KRAS: variants seen among roughly 807,000 people sequenced by gnomAD.
KRAS encodes the protein KRas proto-oncogene, GTPase.
Under a neutral mutation model 21.0 loss-of-function variants are expected in KRAS, and 1 was observed. The observed-to-expected ratio is 0.05, with a 90% CI of 0.02 to 0.23. The LOEUF (loss-of-function observed/expected upper bound fraction) is 0.23. KRAS is among the 10% of genes least tolerant of loss of function. The pLI is 1.00. For missense variants in KRAS, 107 were observed against 221.8 expected, an observed-to-expected ratio of 0.48 and a Z score of 3.29; for synonymous variants, 67 against 72.5, an observed-to-expected ratio of 0.92 and a Z score of 0.39.
intron 1 of KRAS, among the ~76,000 whole-genome samples, chr12:25,247,571 C>T (rs1951700398): frequency 6.6e-6 from 1 of 152,186 alleles, no homozygotes; most frequent in African/African-American, 2.4e-5. Context: ...TAGCTCTCTG[C>T]CTACCCCAAC....
At chr12:25,218,033 C>T (rs975375092) in intron 4 of KRAS, among the ~76,000 whole-genome samples, 1 of 151,982 alleles carries the variant, frequency 6.6e-6, no homozygotes, top group Non-Finnish European at 1.5e-5. Context: ...TAATTTAAGG[C>T]ACTAAAATAA....
At chr12:25,215,121 T>G in intron 4 of KRAS, 4 of 252,932 alleles carry the variant, frequency 1.6e-5, no homozygotes, top group Non-Finnish European at 2.4e-5. Context: ...AAAAAGCTGC[T>G]GATTATCTCA....
At chr12:25,237,331 TG>T (rs1394725333) in intron 2 of KRAS, among the ~76,000 whole-genome samples, 1 of 152,176 alleles carries the variant, frequency 6.6e-6, no homozygotes, top group East Asian at 1.9e-4. Flanking sequence ...ACAACCCTTG[TG>T]AATATACTAA....
chr12:25,216,710 T>C (rs975026247), intron 4 of KRAS, among the ~76,000 whole-genome samples: 4 of 152,214 alleles, frequency 2.6e-5, no homozygotes, highest in African/African-American at 9.6e-5. Flanking sequence ...GGTACAATCA[T>C]ATATTGGCCA....
chr12:25,215,521 G>A lies in KRAS; in HGVS notation c.451-5610C>T, dbSNP rs200186819. 12 of 1,611,396 alleles carry A rather than the reference G, an allele frequency of 7.4e-6. No individual in the cohort carries two copies. Among genetic ancestry groups the A allele is most frequent in the South Asian group, 3.3e-5 (3 of 90,998 alleles). On this transcript the variant is annotated intron_variant, in intron 4 of 4. Coordinates refer to ENST00000311936, the MANE Select transcript of KRAS (RefSeq NM_004985.5). Reference sequence around the variant, plus strand: ...CTGATTTTTTTCAATCTGTATTGTCGGATCTCTCTCACCAATGTATAAAAA... The same window carrying A: ...CTGATTTTTTTCAATCTGTATTGTCAGATCTCTCTCACCAATGTATAAAAA...
chr12:25,215,996 A>G (rs1307691241), intron 4 of KRAS, among the ~76,000 whole-genome samples: 1 of 152,212 alleles, frequency 6.6e-6, no homozygotes, highest in Non-Finnish European at 1.5e-5. Flanking sequence ...ATGAGAAGAA[A>G]AATGGTAAAA....
intron 4 of KRAS, among the ~76,000 whole-genome samples, chr12:25,222,008 G>A (rs917595107): frequency 6.6e-6 from 1 of 151,846 alleles, no homozygotes; most frequent in Admixed American, 6.6e-5. Context: ...ATTTAGCAAG[G>A]CATGGTGGCG....
At chr12:25,217,625 T>A (rs988431889) in intron 4 of KRAS, among the ~76,000 whole-genome samples, 1 of 152,218 alleles carries the variant, frequency 6.6e-6, no homozygotes, top group South Asian at 2.1e-4. Flanking sequence ...AGATACCCAC[T>A]TACACCTGTA....
intron 2 of KRAS, among the ~76,000 whole-genome samples, chr12:25,229,115 C>T (rs924249865): frequency 3.9e-5 from 6 of 151,996 alleles, no homozygotes; most frequent in African/African-American, 1.4e-4. Context: ...TTATGTTATG[C>T]ATATTTTACC....
intron 4 of KRAS, 96 bp from the exon 5 acceptor site, chr12:25,210,007 A>ATCCT: frequency 1.1e-6 from 1 of 885,416 alleles, no homozygotes; most frequent in Non-Finnish European, 1.7e-6. Flanking sequence ...TTAAGAAAGG[A>ATCCT]TTCTTTATGT....
chr12:25,212,042 T>C (rs1951204957), intron 4 of KRAS, among the ~76,000 whole-genome samples: 1 of 152,182 alleles, frequency 6.6e-6, no homozygotes. Context: ...CTTTAACACA[T>C]ATAGAGGGGA....
intron 2 of KRAS, among the ~76,000 whole-genome samples, chr12:25,229,424 T>C (rs142953725): frequency 6.6e-6 from 1 of 152,344 alleles, no homozygotes; most frequent in East Asian, 1.9e-4. Context: ...GATGGATATC[T>C]CTAAAGAGCA....
intron 2 of KRAS, among the ~76,000 whole-genome samples, chr12:25,241,631 A>C (rs1219071673): frequency 2.6e-5 from 4 of 152,230 alleles, no homozygotes. Flanking sequence ...TTTGGATCTT[A>C]ACACCATTGA....
In KRAS at chr12:25,209,549, T is replaced by G. The variant is rs1951180984; in HGVS notation, c.*246A>C. 2 of 1,330,344 alleles carry G rather than the reference T, an allele frequency of 1.5e-6. No individual in the cohort carries two copies. Among genetic ancestry groups the G allele is most frequent in the South Asian group, 2.1e-5 (1 of 48,588 alleles). 82.4% of individuals were successfully genotyped at this position (1,330,344 alleles called of 1,614,324 possible). A position where few individuals can be genotyped will look rare whatever the true frequency, so the allele number is the denominator to read the frequency against. On this transcript the variant is annotated 3_prime_UTR_variant, in exon 5 of 5. Coordinates refer to ENST00000311936, the MANE Select transcript of KRAS (RefSeq NM_004985.5). ...ACCAAAAGCCCCAAGACAGAAATCTTAGGTATTCAGTTTCTTTTTCACAGG... is the reference window on the plus strand; with the variant it reads ...ACCAAAAGCCCCAAGACAGAAATCTGAGGTATTCAGTTTCTTTTTCACAGG...
chr12:25,226,909 T>C (rs1021819137), intron 3 of KRAS, among the ~76,000 whole-genome samples: 2 of 152,148 alleles, frequency 1.3e-5, no homozygotes, highest in Non-Finnish European at 2.9e-5. Context: ...TTCATATTCT[T>C]TTTTATGGTT....
chr12:25,236,828 C>CTT (rs1264877267), intron 2 of KRAS, among the ~76,000 whole-genome samples: 12 of 151,974 alleles, frequency 7.9e-5, no homozygotes, highest in African/African-American at 2.9e-4. Context: ...CTACCAAAAC[C>CTT]ACTTGGCAGT....
chr12:25,211,124 A>AT (rs1313516089), intron 4 of KRAS: 3 of 152,190 alleles, frequency 2.0e-5, no homozygotes, highest in Non-Finnish European at 4.4e-5. Context: ...TACCCAACAC[A>AT]TTAAGTTGTA....
chr12:25,230,923 G>A (rs1951459131), intron 2 of KRAS, among the ~76,000 whole-genome samples: 1 of 151,910 alleles, frequency 6.6e-6, no homozygotes, highest in African/African-American at 2.4e-5. Context: ...TTAAATACTT[G>A]AAAGAACTCC....
At chr12:25,218,619 T>C (rs1219308789) in intron 4 of KRAS, among the ~76,000 whole-genome samples, 1 of 152,230 alleles carries the variant, frequency 6.6e-6, no homozygotes, top group Non-Finnish European at 1.5e-5. Flanking sequence ...GACTTAGTTA[T>C]TTCTTGATAA....
Sources: gnomAD v4.1 joint callset for allele counts (sites outside exome capture counted in the v4.1 genomes callset) on GRCh38, gnomAD v4.1.1 for gene constraint, MANE v1.5 for transcripts, NCBI Gene and HGNC (gene_info 2026-07-23, HGNC 2026-07-21) for gene names.